The following NPAS3 variants were observed in gnomAD, a reference collection of about 807,000 sequenced individuals.
NPAS3 encodes neuronal PAS domain-containing protein 3.
A neutral mutation model predicts 73.1 loss-of-function variants in NPAS3; 14 were observed. The ratio of observed to expected loss-of-function variants is 0.19; its 90% CI spans 0.13 to 0.30. The LOEUF is 0.30. NPAS3 is among the 10% of genes least tolerant of loss of function. NPAS3 has a pLI of 1.00. For synonymous variants in NPAS3, 620 were observed against 541.5 expected (o/e 1.14, Z -2.01); for missense variants, 1,096 against 1,250.0 (o/e 0.88, Z 1.86).
intron 5 of NPAS3, chr14:33,560,468 G>T (rs2055588848): frequency 3.2e-6 from 1 of 313,946 alleles, no homozygotes; most frequent in African/African-American, 2.1e-5. Context: ...AACAAATGAA[G>T]TTTCTTCCCT....
intron 6 of NPAS3, among the ~76,000 whole-genome samples, chr14:33,704,533 AG>A (rs1956594508): frequency 6.6e-6 from 1 of 152,218 alleles, no homozygotes; most frequent in Admixed American, 6.5e-5. Context: ...GATGCCCTGA[AG>A]CATATTAGAT....
Position 33,063,847 on chromosome 14 carries a change from A to G in NPAS3, c.140+7853A>G, listed in dbSNP as rs889763425. Among the ~76,000 whole-genome samples, 6 of 152,236 alleles carry G rather than the reference A, an allele frequency of 3.9e-5. 1 individual carries two copies. Among genetic ancestry groups the G allele is most frequent in the African/African-American group, 1.4e-4 (6 of 41,466 alleles). On this transcript the variant is annotated intron_variant, in intron 2 of 11. Coordinates refer to ENST00000356141, the Ensembl canonical transcript of NPAS3. ...CTAAATGAGTACTACCTTGTTGCTC[A>G]TCTAACTTACTATAGAACTGTTAAC...
At chr14:33,730,138 T>C (rs1273568618) in intron 6 of NPAS3, among the ~76,000 whole-genome samples, 2 of 152,170 alleles carry the variant, frequency 1.3e-5, no homozygotes, top group African/African-American at 4.8e-5. Context: ...GGAGCCACAC[T>C]AAGTGCTATA....
chr14:33,080,402 G>A lies in NPAS3; in HGVS notation c.140+24408G>A, dbSNP rs547436850. On this transcript the variant is annotated intron_variant, in intron 2 of 11. Transcript: ENST00000356141. The stretch of plus-strand genomic sequence containing the variant: ...ATTACAGGCGTGAGCCACCGCGCCC[G>A]GCCCCAGTCTGATTTTTTTAGGGGA... Among the ~76,000 whole-genome samples, 228 of 152,272 alleles carry A rather than the reference G, an allele frequency of 1.5e-3. 2 individuals are homozygous for A. The highest frequency in any genetic ancestry group is 5.2e-3 in the African/African-American group (216 of 41,552).
intron 4 of NPAS3, among the ~76,000 whole-genome samples, chr14:33,372,309 C>A (rs1308322947): frequency 1.3e-5 from 2 of 151,948 alleles, no homozygotes; most frequent in African/African-American, 4.8e-5. Context: ...TTTGGTGTGC[C>A]CGTTCTCTGA....
At chr14:33,055,801 G>GCCGAATCAT in intron 1 of NPAS3, 104 bp from the exon 2 acceptor site, 16 of 593,558 alleles carry the variant, frequency 2.7e-5, no homozygotes, top group South Asian at 6.9e-5. Flanking sequence ...GCTCAAAAGC[G>GCCGAATCAT]TAAAAAGCAA....
At chr14:33,461,063 G>A (rs2050242256) in intron 4 of NPAS3, among the ~76,000 whole-genome samples, 1 of 152,184 alleles carries the variant, frequency 6.6e-6, no homozygotes. Context: ...AATAAAACTG[G>A]TGCGGACGAT....
At chr14:33,474,284 G>T (rs1252727715) in intron 4 of NPAS3, among the ~76,000 whole-genome samples, 3 of 152,130 alleles carry the variant, frequency 2.0e-5, no homozygotes, top group South Asian at 4.1e-4. Flanking sequence ...CTGAGTAGAA[G>T]TTTGACCATA....
At chr14:33,031,428 G>A (rs770535183) in intron 1 of NPAS3, among the ~76,000 whole-genome samples, 1 of 152,162 alleles carries the variant, frequency 6.6e-6, no homozygotes, top group African/African-American at 2.4e-5. Flanking sequence ...TCCAAGTTCA[G>A]TTCTCTTTTT....
intron 6 of NPAS3, among the ~76,000 whole-genome samples, chr14:33,685,615 G>A (rs1315678839): frequency 1.3e-5 from 2 of 152,116 alleles, no homozygotes; most frequent in African/African-American, 4.8e-5. Context: ...TTTATACAGA[G>A]CAGATTTCAC....
At chr14:33,328,796 A>ATACT (rs1396530298) in intron 3 of NPAS3, among the ~76,000 whole-genome samples, 1 of 151,816 alleles carries the variant, frequency 6.6e-6, no homozygotes, top group East Asian at 1.9e-4. Flanking sequence ...CTTGAGATGA[A>ATACT]TACTTACTCC....
intron 4 of NPAS3, among the ~76,000 whole-genome samples, chr14:33,368,277 T>C (rs1338567225): frequency 6.6e-6 from 1 of 150,730 alleles, no homozygotes; most frequent in East Asian, 1.9e-4. Flanking sequence ...CTTTTAAGTA[T>C]GTGCATTAGG....
chr14:33,690,028 T>C (rs1239752640), intron 6 of NPAS3, among the ~76,000 whole-genome samples: 1 of 152,164 alleles, frequency 6.6e-6, no homozygotes, highest in African/African-American at 2.4e-5. Flanking sequence ...TTGACCGATA[T>C]TTTCTCTTTT....
At chr14:33,553,416 C>A (rs1030929674) in intron 4 of NPAS3, among the ~76,000 whole-genome samples, 1 of 152,202 alleles carries the variant, frequency 6.6e-6, no homozygotes, top group Non-Finnish European at 1.5e-5. Flanking sequence ...TGGCTCTTAA[C>A]TGTTTTCTCA....
At chr14:32,951,990 ATG>A (rs2036501734) in intron 1 of NPAS3, among the ~76,000 whole-genome samples, 1 of 152,006 alleles carries the variant, frequency 6.6e-6, no homozygotes, top group Non-Finnish European at 1.5e-5. Context: ...TCACTTATTT[ATG>A]GTTTCTGGAA....
intron 2 of NPAS3, among the ~76,000 whole-genome samples, chr14:33,134,441 G>T (rs1180925802): frequency 6.6e-6 from 1 of 152,050 alleles, no homozygotes; most frequent in Admixed American, 6.6e-5. Flanking sequence ...CACTTGAAAA[G>T]CACAGTTTTG....
intron 6 of NPAS3, among the ~76,000 whole-genome samples, chr14:33,733,315 A>G (rs1312652999): frequency 3.7e-5 from 5 of 136,082 alleles, no homozygotes; most frequent in African/African-American, 1.0e-4. Flanking sequence ...CTTGGGAGGA[A>G]AAAAAAAAAA....
intron 9 of NPAS3, chr14:33,780,863 G>GC (rs750990813): frequency 1.7e-4 from 44 of 254,770 alleles, no homozygotes; most frequent in Non-Finnish European, 3.0e-4. Flanking sequence ...GAGAAGGTAT[G>GC]CTTTCAAATT....
rs5807721 is a variant in NPAS3 at position 33,373,386 on chromosome 14, ATGTGTG to A, written c.468+6148_468+6153del. Among the ~76,000 whole-genome samples the A allele has an allele frequency of 7.5e-3, 1,097 of 147,224 alleles. 8 individuals carry two copies. The highest frequency in any genetic ancestry group is 8.6e-3 in the Admixed American group (126 of 14,680). ...TTGTCAGCATATTATATTGAACTATATGTGTGTGTGTGTGTGTGTGTGTGTGTGTGT... is the reference window on the plus strand; with the variant it reads ...TTGTCAGCATATTATATTGAACTATATGTGTGTGTGTGTGTGTGTGTGTGT... On this transcript the variant is annotated intron_variant, in intron 4 of 11. Transcript: ENST00000356141.
Sources: allele counts gnomAD v4.1 joint callset (sites outside exome capture counted in the v4.1 genomes callset), GRCh38; gene constraint gnomAD v4.1.1; transcripts MANE v1.5; gene names NCBI Gene and HGNC (gene_info 2026-07-23, HGNC 2026-07-21).